Variants in CNTNAP2 observed in about 807,000 individuals in gnomAD.
CNTNAP2 encodes the protein contactin associated protein 2.
In CNTNAP2, 98 loss-of-function variants were observed where a neutral mutation model predicts 155.2. That is an observed-to-expected ratio of 0.63 (90% confidence interval 0.54 to 0.75). The LOEUF is 0.75. CNTNAP2 is among the 30% of genes least tolerant of loss of function. The probability of loss-of-function intolerance (pLI) is 0.00; values close to 1 mark genes in which losing one functional copy is unlikely to be tolerated. For missense variants in CNTNAP2, 1,727 were observed against 1,688.1 expected (o/e 1.02, Z -0.40); for synonymous variants, 651 against 631.2 (o/e 1.03, Z -0.47).
chr7:147,118,627 A>G (rs997219517), intron 5 of CNTNAP2, among the ~76,000 whole-genome samples: 2 of 151,898 alleles, frequency 1.3e-5, no homozygotes, highest in African/African-American at 2.4e-5. Context: ...TGTATAGCCT[A>G]TTACACACCT....
intron 13 of CNTNAP2, among the ~76,000 whole-genome samples, chr7:147,721,564 G>A (rs1164366702): frequency 2.0e-5 from 3 of 152,008 alleles, no homozygotes; most frequent in African/African-American, 4.8e-5. Flanking sequence ...CTTATAAGGA[G>A]CATTACTCTT....
chr7:148,137,566 G>A (rs1271127477), intron 16 of CNTNAP2, among the ~76,000 whole-genome samples: 1 of 152,138 alleles, frequency 6.6e-6, no homozygotes, highest in Non-Finnish European at 1.5e-5. Context: ...GGAGGTTGAG[G>A]CAGGAGAATA....
chr7:146,314,278 G>A (rs1406482833), intron 1 of CNTNAP2, among the ~76,000 whole-genome samples: 2 of 152,152 alleles, frequency 1.3e-5, no homozygotes, highest in Admixed American at 6.5e-5. Flanking sequence ...TTTTGTGTTT[G>A]TCCAGCCTGC....
At chr7:147,804,504 A>G (rs537332449) in intron 13 of CNTNAP2, among the ~76,000 whole-genome samples, 3 of 152,036 alleles carry the variant, frequency 2.0e-5, no homozygotes, top group South Asian at 4.2e-4. Flanking sequence ...GGCCCTGAGC[A>G]TGACCTTCAA....
Position 146,322,634 on chromosome 7 carries a change from C to CTTTTTTT in CNTNAP2, c.97+205673_97+205679dup, listed in dbSNP as rs56287346. 1.4e-3 allele frequency among the ~76,000 whole-genome samples: 91 copies of CTTTTTTT among 64,950 alleles called. 19 individuals are homozygous for CTTTTTTT. The highest frequency in any genetic ancestry group is 4.2e-3 in the African/African-American group (76 of 18,014). 42.6% of individuals were successfully genotyped at this position (64,950 alleles called of 152,430 possible). ...AAGAGGAGACTGTTGTGTTCATTCT[C>CTTTTTTT]TTTTTTTTTTTTTTTTTTGCTGGCT... is the stretch of plus-strand genomic sequence containing the variant. On this transcript the variant is annotated intron_variant, in intron 1 of 23. Coordinates refer to ENST00000361727, the MANE Select transcript of CNTNAP2 (RefSeq NM_014141.6).
At chr7:147,055,946 A>G (rs1799553788) in intron 4 of CNTNAP2, among the ~76,000 whole-genome samples, 1 of 152,140 alleles carries the variant, frequency 6.6e-6, no homozygotes, top group African/African-American at 2.4e-5. Context: ...AGCACACATA[A>G]ACTGGGCCTT....
intron 1 of CNTNAP2, among the ~76,000 whole-genome samples, chr7:146,703,458 C>A (rs1800911775): frequency 6.6e-6 from 1 of 152,084 alleles, no homozygotes; most frequent in South Asian, 2.1e-4. Context: ...TCTCCAAACT[C>A]ATTTTTTAAG....
chr7:147,759,330 C>T (rs959924333), intron 13 of CNTNAP2, among the ~76,000 whole-genome samples: 1 of 152,168 alleles, frequency 6.6e-6, no homozygotes, highest in South Asian at 2.1e-4. Flanking sequence ...TTTCTCTGAG[C>T]ATATTGTTTA....
At chr7:148,022,028 C>T (rs1802287597) in intron 15 of CNTNAP2, among the ~76,000 whole-genome samples, 2 of 152,182 alleles carry the variant, frequency 1.3e-5, no homozygotes, top group Admixed American at 1.3e-4. Flanking sequence ...AGGGACTTAT[C>T]TTGCTCTCTC....
intron 13 of CNTNAP2, among the ~76,000 whole-genome samples, chr7:147,833,867 G>A (rs960098838): frequency 6.6e-6 from 1 of 152,114 alleles, no homozygotes; most frequent in Non-Finnish European, 1.5e-5. Context: ...GTAGGAATGG[G>A]GCTGAGTGTC....
intron 8 of CNTNAP2, among the ~76,000 whole-genome samples, chr7:147,261,786 T>C (rs977422648): frequency 2.6e-5 from 4 of 152,202 alleles, no homozygotes; most frequent in African/African-American, 9.6e-5. Context: ...AACTTCAAGT[T>C]TGGAGATCTT....
chr7:148,251,296 AC>A (rs1472453923), intron 20 of CNTNAP2, among the ~76,000 whole-genome samples: 1 of 152,198 alleles, frequency 6.6e-6, no homozygotes, highest in Non-Finnish European at 1.5e-5. Context: ...ATCAAGTTTT[AC>A]TATAAAGGAT....
At chr7:147,949,466 T>A (rs1238562479) in intron 14 of CNTNAP2, among the ~76,000 whole-genome samples, 26 of 96,988 alleles carry the variant, frequency 2.7e-4, no homozygotes, top group African/African-American at 7.3e-4. Flanking sequence ...ATATTTTTTT[T>A]TTTTAGGTTT....
chr7:146,890,792 G>A (rs1031637645), intron 3 of CNTNAP2, among the ~76,000 whole-genome samples: 1 of 152,124 alleles, frequency 6.6e-6, no homozygotes, highest in African/African-American at 2.4e-5. Flanking sequence ...CAGTTTAACT[G>A]TGGTTTACAT....
chr7:146,950,112 A>T (rs962901486), intron 3 of CNTNAP2, among the ~76,000 whole-genome samples: 1 of 152,148 alleles, frequency 6.6e-6, no homozygotes, highest in African/African-American at 2.4e-5. Flanking sequence ...TCCTAAATCC[A>T]TTAGAAAAAT....
chr7:146,176,399 T>A (rs984498323), intron 1 of CNTNAP2, among the ~76,000 whole-genome samples: 1 of 152,062 alleles, frequency 6.6e-6, no homozygotes, highest in Non-Finnish European at 1.5e-5. Context: ...GGAAGAAAAA[T>A]AATTTAGCTT....
intron 2 of CNTNAP2, among the ~76,000 whole-genome samples, chr7:146,819,389 ACAGTGACCACT>A (rs1365480812): frequency 6.6e-6 from 1 of 152,132 alleles, no homozygotes; most frequent in African/African-American, 2.4e-5. Flanking sequence ...ACAAAATGAT[ACAGTGACCACT>A]TCCTCCATCT....
chr7:147,044,189 T>C, intron 4 of CNTNAP2, 135 bp downstream of exon 4: 1 of 885,178 alleles, frequency 1.1e-6, no homozygotes, highest in Non-Finnish European at 1.8e-6. Context: ...TATATGTATC[T>C]ATGCATAGAT....
At chr7:147,607,870 T>G (rs1318448023) in intron 12 of CNTNAP2, among the ~76,000 whole-genome samples, 1 of 152,196 alleles carries the variant, frequency 6.6e-6, no homozygotes, top group East Asian at 1.9e-4. Flanking sequence ...ACTAAAGAAT[T>G]TTTTAAAATA....
Sources: gnomAD v4.1 joint callset for allele counts (sites outside exome capture counted in the v4.1 genomes callset) on GRCh38, gnomAD v4.1.1 for gene constraint, MANE v1.5 for transcripts, NCBI Gene and HGNC (gene_info 2026-07-23, HGNC 2026-07-21) for gene names.